Variants in HEATR5A observed in about 807,000 individuals in gnomAD.
HEATR5A encodes the protein HEAT repeat-containing protein 5A.
Under a neutral mutation model 218.8 loss-of-function variants are expected in HEATR5A, and 178 were observed. That is an observed-to-expected ratio of 0.81 (90% CI 0.72 to 0.92). The LOEUF (loss-of-function observed/expected upper bound fraction) is 0.92, where lower values mean the gene tolerates loss of function less well. Ranked by LOEUF, HEATR5A falls within the 40% of genes least tolerant of loss-of-function variation. HEATR5A has a pLI of 0.00. For synonymous variants in HEATR5A, 864 were observed against 871.6 expected, an observed-to-expected ratio of 0.99 and a Z score of 0.15; for missense variants, 2,420 against 2,418.9, an observed-to-expected ratio of 1.00 and a Z score of -0.01.
At chr14:31,325,483 C>T (rs1410677310) in intron 23 of HEATR5A, among the ~76,000 whole-genome samples, 1 of 148,704 alleles carries the variant, frequency 6.7e-6, no homozygotes, top group African/African-American at 2.5e-5. Context: ...TATGTATGAA[C>T]ATATGTATGT....
At chr14:31,398,885 T>C in intron 3 of HEATR5A, 104 bp from the exon 4 acceptor site, 5 of 649,458 alleles carry the variant, frequency 7.7e-6, no homozygotes, top group Non-Finnish European at 1.1e-5. Flanking sequence ...CCCCATTCTC[T>C]TGTCTTTTTA....
At chr14:31,373,550 C>G (rs535032363) in intron 12 of HEATR5A, among the ~76,000 whole-genome samples, 1 of 152,216 alleles carries the variant, frequency 6.6e-6, no homozygotes, top group Admixed American at 6.5e-5. Flanking sequence ...GGGCTGGTCT[C>G]AAACTCCTGA....
chr14:31,387,483 G>A, intron 7 of HEATR5A, 108 bp from the exon 8 acceptor site: 5 of 855,468 alleles, frequency 5.8e-6, no homozygotes, highest in Non-Finnish European at 8.9e-6. Context: ...CTTATAAATT[G>A]TATTCTTTCC....
chr14:31,381,019 C>A (rs1186608806), intron 10 of HEATR5A, among the ~76,000 whole-genome samples: 4 of 152,070 alleles, frequency 2.6e-5, no homozygotes, highest in Non-Finnish European at 1.5e-5. Flanking sequence ...GAGGCTGAGG[C>A]GGGTGGATCA....
chr14:31,304,850 T>A, intron 32 of HEATR5A, 55 bp downstream of exon 32: 3 of 1,565,398 alleles, frequency 1.9e-6, no homozygotes, highest in Non-Finnish European at 2.6e-6. Context: ...CTCCATTATC[T>A]ATTAAAACCA....
intron 13 of HEATR5A, among the ~76,000 whole-genome samples, chr14:31,365,200 T>C (rs926367546): frequency 1.3e-5 from 2 of 151,970 alleles, no homozygotes; most frequent in African/African-American, 4.8e-5. Flanking sequence ...CAAGGTATAT[T>C]ATCAACTAGA....
Position 31,309,065 on chromosome 14 carries a change from GCAA to G in HEATR5A, c.4556_4558del (p.Val1519del), listed in dbSNP as rs756462862. On this transcript the variant is annotated inframe_deletion, in exon 29 of 36. Transcript: ENST00000543095. ...ATTAGATGCTCCTTCATCTGGGTCAGCAACAACAAAACCCGTGCTTGTAAGCCA... is the reference window on the plus strand; with the variant it reads ...ATTAGATGCTCCTTCATCTGGGTCAGCAACAAAACCCGTGCTTGTAAGCCA... 5 of 1,613,960 alleles carry G rather than the reference GCAA, an allele frequency of 3.1e-6. No individual in the cohort carries two copies. Among genetic ancestry groups the G allele is most frequent in the Non-Finnish European group, 3.4e-6 (4 of 1,179,874 alleles).
intron 28 of HEATR5A, among the ~76,000 whole-genome samples, chr14:31,309,794 C>T (rs1187401970): frequency 2.6e-5 from 4 of 151,908 alleles, no homozygotes; most frequent in Non-Finnish European, 4.4e-5. Context: ...CCTCTGACTT[C>T]TGGGTTCAAG....
intron 26 of HEATR5A, among the ~76,000 whole-genome samples, chr14:31,316,599 G>T (rs1399042844): frequency 6.6e-6 from 1 of 152,218 alleles, no homozygotes; most frequent in Non-Finnish European, 1.5e-5. Flanking sequence ...TGATTGTTTT[G>T]AAGACAGTGT....
At chr14:31,357,764 T>A (rs577649373) in intron 16 of HEATR5A, among the ~76,000 whole-genome samples, 6 of 152,236 alleles carry the variant, frequency 3.9e-5, no homozygotes, top group Admixed American at 6.5e-5. Context: ...TACAACATGA[T>A]GTTTTTAACG....
chr14:31,388,231 G>A (rs2378857), intron 7 of HEATR5A, among the ~76,000 whole-genome samples: 130,142 of 152,150 alleles, frequency 0.86, 56,380 homozygotes, highest in Non-Finnish European at 0.94. Context: ...GAGACTATAT[G>A]CAGTATAAAA....
rs1382826166 is a variant in HEATR5A at position 31,386,562 on chromosome 14, A to G, written c.1203T>C (p.Ser401=). 1.3e-6 allele frequency: 2 copies of G among 1,591,838 alleles called. No individual in the cohort carries two copies. Among genetic ancestry groups the G allele is most frequent in the Non-Finnish European group, 1.7e-6 (2 of 1,171,024 alleles). ...CAAGCCGGGTTTCCAAATTACCATC[A>G]CTCATTACGGCATCTGATAGAAATG... ...KLKKVMDAVM[S]DGNLETRLGS... Residue 401 remains serine, a synonymous_variant, in exon 9 of 36, where the codon AGT becomes AGC. Transcript: ENST00000543095.
intron 6 of HEATR5A, among the ~76,000 whole-genome samples, chr14:31,391,324 A>G (rs532288480): frequency 6.6e-6 from 1 of 152,272 alleles, no homozygotes; most frequent in Non-Finnish European, 1.5e-5. Context: ...TTTAGTAGAC[A>G]GATGAGGTTT....
Position 31,358,662 on chromosome 14 carries a change from A to G in HEATR5A, c.2386T>C (p.Cys796Arg), listed in dbSNP as rs1901508879. The G allele has an allele frequency of 6.2e-7, 1 of 1,613,808 alleles. No individual in the cohort carries two copies. The highest frequency in any genetic ancestry group is 8.5e-7 in the Non-Finnish European group (1 of 1,179,846). ...CTTTGAGTTTCTCCCACATGAGCGC[A>G]TACAACCCCAAAGAGCTTGGATGCA... ...SSASKLFGVV[C>R]AHVGETQRLL... The change falls in exon 16 of 36, where the codon TGC becomes CGC. Residue 796 changes from cysteine (C) to arginine (R), a missense_variant. By Grantham distance (180) the Cys-to-Arg change is radical. Coordinates refer to ENST00000543095, the MANE Select transcript of HEATR5A (RefSeq NM_015473.4).
At chr14:31,413,934 T>C (rs984422268) in intron 1 of HEATR5A, among the ~76,000 whole-genome samples, 16 of 152,234 alleles carry the variant, frequency 1.1e-4, no homozygotes, top group South Asian at 2.1e-4. Context: ...TTGTTGTTCT[T>C]TCTCATCACT....
chr14:31,381,760 T>C (rs1398475738), intron 10 of HEATR5A, among the ~76,000 whole-genome samples: 5 of 152,092 alleles, frequency 3.3e-5, no homozygotes, highest in Admixed American at 6.6e-5. Flanking sequence ...CACTCTGGCC[T>C]AGGTGACAAA....
In HEATR5A at chr14:31,308,823, T is replaced by C. The variant is rs1899639908; in HGVS notation, c.4690+111A>G. ...GTTGACAATAATTGTGAGCTTGAGT[T>C]GAAATCGTGCCACTGTACTCCAGCC... On this transcript the variant is annotated intron_variant, in intron 29 of 35. Coordinates refer to ENST00000543095, the MANE Select transcript of HEATR5A (RefSeq NM_015473.4). The C allele has an allele frequency of 7.5e-6, 6 of 800,178 alleles. No individual in the cohort carries two copies. In the East Asian group the frequency reaches 1.4e-4, roughly 18 times the overall value. 49.6% of individuals were successfully genotyped at this position (800,178 alleles called of 1,614,324 possible). A position where few individuals can be genotyped will look rare whatever the true frequency, so the allele number is the denominator to read the frequency against.
At chr14:31,301,651 C>A (rs8010612) in intron 33 of HEATR5A, among the ~76,000 whole-genome samples, 7,100 of 151,946 alleles carry the variant, frequency 0.047, 239 homozygotes, top group Non-Finnish European at 0.07. Flanking sequence ...CACTACCACA[C>A]CTGGGTAATT....
At chr14:31,381,164 C>T (rs139234862) in intron 10 of HEATR5A, among the ~76,000 whole-genome samples, 1,776 of 152,240 alleles carry the variant, frequency 0.012, 18 homozygotes, top group African/African-American at 0.035. Context: ...AGAAGAATCG[C>T]TTGAACCCAG....
Sources: allele counts gnomAD v4.1 joint callset (sites outside exome capture counted in the v4.1 genomes callset), GRCh38; gene constraint gnomAD v4.1.1; transcripts MANE v1.5; gene names NCBI Gene and HGNC (gene_info 2026-07-23, HGNC 2026-07-21).